The following LRRC1 variants were observed in gnomAD, a reference collection of about 807,000 sequenced individuals.
The protein encoded by LRRC1 is leucine rich repeat containing 1.
A neutral mutation model predicts 69.9 loss-of-function variants in LRRC1; 28 were observed. The observed-to-expected ratio is 0.40, with a 90% CI of 0.30 to 0.55. The LOEUF (loss-of-function observed/expected upper bound fraction) is 0.55. LRRC1 is among the 20% of genes least tolerant of loss of function. The pLI is 0.47. For missense variants in LRRC1, 498 were observed against 609.0 expected (o/e 0.82, Z 1.92); for synonymous variants, 236 against 240.2 (o/e 0.98, Z 0.16).
At chr6:53,830,291 C>T (rs553757031) in intron 1 of LRRC1, among the ~76,000 whole-genome samples, 2 of 152,324 alleles carry the variant, frequency 1.3e-5, no homozygotes, top group Admixed American at 6.5e-5. Flanking sequence ...TTTGCCTTTT[C>T]TTGTCAGAAA....
intron 1 of LRRC1, among the ~76,000 whole-genome samples, chr6:53,803,189 A>G (rs1450322090): frequency 1.3e-5 from 2 of 152,194 alleles, no homozygotes; most frequent in African/African-American, 2.4e-5. Flanking sequence ...CACTCTTGAG[A>G]TTTACACAAG....
At chr6:53,915,394 C>T (rs749838771) in intron 11 of LRRC1, among the ~76,000 whole-genome samples, 1 of 152,168 alleles carries the variant, frequency 6.6e-6, no homozygotes, top group Non-Finnish European at 1.5e-5. Flanking sequence ...CTTAAGACCA[C>T]TAACTGGTTG....
chr6:53,854,428 A>G (rs1766245181), intron 2 of LRRC1, among the ~76,000 whole-genome samples: 2 of 152,248 alleles, frequency 1.3e-5, no homozygotes, highest in South Asian at 2.1e-4. Context: ...TTGAAAAGCA[A>G]AGAGAACTGT....
At position 53,899,885 on chromosome 6, in the gene LRRC1, G is replaced by T. The variant is rs1767992585; in HGVS notation, c.781G>T (p.Gly261Cys). 6.2e-7 allele frequency: 1 copy of T among 1,613,662 alleles called. No individual in the cohort carries two copies. The highest frequency in any genetic ancestry group is 1.3e-5 in the African/African-American group (1 of 74,890). The change falls in exon 8 of 14, where the codon GGC becomes TGC. Residue 261 changes from glycine (G) to cysteine (C), a missense_variant. By Grantham distance (159) the Gly-to-Cys change is radical. This residue lies in a region of LRRC1 where 266 missense variants were observed against 383.9 expected (regional missense o/e 0.69). Transcript: ENST00000370888. ...SQNLLETIPD[G>C]IGKLKKLSIL... Reference sequence around the variant, plus strand: ...GAACTTATTAGAAACGATTCCGGATGGCATTGGTAAGCATTGGAAATCACT... The same window carrying T: ...GAACTTATTAGAAACGATTCCGGATTGCATTGGTAAGCATTGGAAATCACT...
rs192191374 is a variant in LRRC1 at position 53,849,873 on chromosome 6, C to T, written c.277+7646C>T. ...TTGGGAGGCCAATTTGAGAGGATCA[C>T]TTGAGTCCAGGAACTTGAGTTTACA... is the stretch of plus-strand genomic sequence containing the variant. On this transcript the variant is annotated intron_variant, in intron 2 of 13. Transcript: ENST00000370888. Among the ~76,000 whole-genome samples, 12 of 152,208 alleles carry T rather than the reference C, an allele frequency of 7.9e-5. No individual in the cohort carries two copies. In the East Asian group the frequency reaches 2.3e-3, roughly 29 times the overall value.
intron 11 of LRRC1, chr6:53,919,229 C>CTTTTTT (rs879406589): frequency 6.9e-5 from 5 of 72,272 alleles, no homozygotes; most frequent in East Asian, 1.2e-3. Context: ...TTTTCTCTCT[C>CTTTTTT]TTTTTTTTTT....
intron 2 of LRRC1, among the ~76,000 whole-genome samples, chr6:53,864,799 C>T (rs1330959186): frequency 3.3e-5 from 5 of 152,102 alleles, no homozygotes; most frequent in Non-Finnish European, 5.9e-5. Flanking sequence ...CTGAGCCTGT[C>T]CTCTGCTGTT....
intron 2 of LRRC1, among the ~76,000 whole-genome samples, chr6:53,843,731 G>A (rs924640459): frequency 6.6e-6 from 1 of 152,026 alleles, no homozygotes; most frequent in African/African-American, 2.4e-5. Flanking sequence ...ACTATCTTGG[G>A]GGTTTCATGG....
In LRRC1 at chr6:53,814,440, G is replaced by A. The variant is rs1581848193; in HGVS notation, c.159+19025G>A. Reference sequence around the variant, plus strand: ...ACATATCTGTCCATTATTGGTGTTTGCAAATCTTTGTTTCTTTGAAGGTAT... The same window carrying A: ...ACATATCTGTCCATTATTGGTGTTTACAAATCTTTGTTTCTTTGAAGGTAT... On this transcript the variant is annotated intron_variant, in intron 1 of 13. Coordinates refer to ENST00000370888, the MANE Select transcript of LRRC1 (RefSeq NM_018214.5). Among the ~76,000 whole-genome samples, 8 of 152,186 alleles carry A rather than the reference G, an allele frequency of 5.3e-5. No individual in the cohort carries two copies. The South Asian group carries it at 1.7e-3, about 31-fold the overall frequency.
intron 13 of LRRC1, among the ~76,000 whole-genome samples, chr6:53,922,234 G>A (rs1162851369): frequency 1.3e-5 from 2 of 152,142 alleles, no homozygotes; most frequent in East Asian, 3.9e-4. Context: ...TTGGGTAATA[G>A]TAGAACATTA....
chr6:53,910,750 A>G lies in LRRC1; in HGVS notation c.991-3104A>G, dbSNP rs535798178. The stretch of plus-strand genomic sequence containing the variant: ...GTTAAAGTAACATATCCAAAACCAC[A>G]AAACATATGACTGAGCCTAAATTCT... On this transcript the variant is annotated intron_variant, in intron 10 of 13. Coordinates refer to ENST00000370888, the MANE Select transcript of LRRC1 (RefSeq NM_018214.5). Among the ~76,000 whole-genome samples, 7 of 152,370 alleles carry G rather than the reference A, an allele frequency of 4.6e-5. No homozygotes were observed. The East Asian group carries it at 1.2e-3, about 25-fold the overall frequency.
chr6:53,821,037 G>A (rs1319271921), intron 1 of LRRC1, among the ~76,000 whole-genome samples: 1 of 152,198 alleles, frequency 6.6e-6, no homozygotes, highest in East Asian at 1.9e-4. Context: ...ATTCCAGAGA[G>A]CACTTATGAA....
chr6:53,872,563 TG>T (rs1324475648), intron 2 of LRRC1, among the ~76,000 whole-genome samples: 2 of 152,120 alleles, frequency 1.3e-5, no homozygotes, highest in African/African-American at 4.8e-5. Flanking sequence ...TCAGGTAGTA[TG>T]TTGCTTCCAG....
At chr6:53,922,514 C>G (rs941486125) in intron 13 of LRRC1, 121 bp from the exon 14 acceptor site, 1 of 866,402 alleles carries the variant, frequency 1.2e-6, no homozygotes, top group Admixed American at 2.7e-5. Context: ...AGCTTTTCCA[C>G]CCATTTTAAG....
Position 53,821,879 on chromosome 6 carries a change from GT to G in LRRC1, c.160-20215del, listed in dbSNP as rs34507757. 7.7e-3 allele frequency among the ~76,000 whole-genome samples: 1,110 copies of G among 143,436 alleles called. 13 individuals carry two copies. The highest frequency in any genetic ancestry group is 0.022 in the African/African-American group (861 of 38,572). 94.1% of individuals were successfully genotyped at this position (143,436 alleles called of 152,430 possible). ...TTGCCTTCTAATGCTAGTAATGCTA[GT>G]TTTTTTTTTTTTTTTCCTTTTCTGT... On this transcript the variant is annotated intron_variant, in intron 1 of 13. Transcript: ENST00000370888.
intron 2 of LRRC1, among the ~76,000 whole-genome samples, chr6:53,872,511 A>G (rs1333293888): frequency 6.6e-6 from 1 of 152,116 alleles, no homozygotes. Context: ...CATTTTCACT[A>G]ACAGTGTATA....
intron 1 of LRRC1, among the ~76,000 whole-genome samples, chr6:53,806,068 G>A (rs1427322186): frequency 6.6e-6 from 1 of 152,128 alleles, no homozygotes; most frequent in Non-Finnish European, 1.5e-5. Context: ...TTCTTTGCCT[G>A]TCTCACTGCT....
chr6:53,881,456 T>C lies in LRRC1; in HGVS notation c.357-1431T>C, dbSNP rs181913060. 4.6e-5 allele frequency among the ~76,000 whole-genome samples: 7 copies of C among 152,354 alleles called. 1 individual carries two copies. In the South Asian group the frequency reaches 8.3e-4, roughly 18 times the overall value. Reference sequence around the variant, plus strand: ...CTAGTTTTTAAATTATAAAATGATATATGCTTTCTGGTTAAAAACTCAGGC... The same window carrying C: ...CTAGTTTTTAAATTATAAAATGATACATGCTTTCTGGTTAAAAACTCAGGC... On this transcript the variant is annotated intron_variant, in intron 3 of 13. Coordinates refer to ENST00000370888, the MANE Select transcript of LRRC1 (RefSeq NM_018214.5).
intron 3 of LRRC1, 94 bp downstream of exon 3, chr6:53,879,165 T>A: frequency 1.3e-6 from 1 of 747,986 alleles, no homozygotes; most frequent in South Asian, 1.6e-5. Flanking sequence ...ATCTTGGAGG[T>A]ACCTAGATGG....
Sources: gnomAD v4.1 joint callset for allele counts (sites outside exome capture counted in the v4.1 genomes callset) on GRCh38, gnomAD v4.1.1 for gene constraint, gnomAD v4.1.1 regional missense constraint, MANE v1.5 for transcripts, NCBI Gene and HGNC (gene_info 2026-07-23, HGNC 2026-07-21) for gene names.